The following AMMECR1 variants were observed in gnomAD, a reference collection of about 807,000 sequenced individuals.
AMMECR1 encodes the protein nuclear protein AMMECR1.
Under a neutral mutation model 22.5 loss-of-function variants are expected in AMMECR1, and 3 were observed. That is an observed-to-expected ratio of 0.13 (90% CI 0.06 to 0.35). The LOEUF (loss-of-function observed/expected upper bound fraction) is 0.35, where lower values mean the gene tolerates loss of function less well. AMMECR1 is among the 10% of genes least tolerant of loss of function. The probability of loss-of-function intolerance (pLI) is 1.00; values close to 1 mark genes in which losing one functional copy is unlikely to be tolerated. For synonymous variants in AMMECR1, 130 were observed against 116.7 expected, an observed-to-expected ratio of 1.11 and a Z score of -0.74; for missense variants, 235 against 278.7, an observed-to-expected ratio of 0.84 and a Z score of 1.12.
At chrX:110,297,577 A>G (rs776959141) in intron 1 of AMMECR1, among the ~76,000 whole-genome samples, 7 of 111,405 alleles carry the variant, frequency 6.3e-5, no homozygotes, top group African/African-American at 2.0e-4. Context: ...CAACAAATCT[A>G]ACTTTTTTTT....
intron 2 of AMMECR1, among the ~76,000 whole-genome samples, chrX:110,257,293 C>A (rs1409402814): frequency 1.8e-5 from 2 of 111,861 alleles, no homozygotes; most frequent in African/African-American, 6.5e-5. Flanking sequence ...AATATGAATT[C>A]ACTTTAACAA....
rs1027158448 is a variant in AMMECR1, at chrX:110,409,360, G to A, written c.-148+17298C>T. On this transcript the variant is annotated intron_variant, in intron 2 of 7. Coordinates refer to the AMMECR1 transcript ENST00000372057. ...GACATGCTGGAGCCAAGGGACTGACGTCAGATGGTCCCAGTGGTGAAGAGA... is the reference window on the plus strand; with the variant it reads ...GACATGCTGGAGCCAAGGGACTGACATCAGATGGTCCCAGTGGTGAAGAGA... 5.4e-5 allele frequency among the ~76,000 whole-genome samples: 6 copies of A among 111,658 alleles called. No homozygotes were observed. In the East Asian group the frequency reaches 1.7e-3, roughly 31 times the overall value.
intron 2 of AMMECR1, among the ~76,000 whole-genome samples, chrX:110,256,528 T>C (rs1317658415): frequency 3.6e-5 from 4 of 111,722 alleles, no homozygotes; most frequent in Non-Finnish European, 7.5e-5. Flanking sequence ...GACAGGACTT[T>C]TATGTTGAAA....
upstream of AMMECR1, among the ~76,000 whole-genome samples, chrX:110,318,402 G>A (rs2068065093): frequency 9.0e-6 from 1 of 111,129 alleles, no homozygotes; most frequent in Non-Finnish European, 1.9e-5. Flanking sequence ...AAAGGAAGGT[G>A]AAGGAAACAA....
At chrX:110,314,227 A>G (rs1055099765) in intron 1 of AMMECR1, among the ~76,000 whole-genome samples, 1 of 111,750 alleles carries the variant, frequency 8.9e-6, no homozygotes, top group Non-Finnish European at 1.9e-5. Context: ...TATATTTGTA[A>G]TGATTTCCCA....
intron 2 of AMMECR1, among the ~76,000 whole-genome samples, chrX:110,421,164 C>T (rs561379395): frequency 1.8e-5 from 2 of 112,554 alleles, no homozygotes; most frequent in African/African-American, 3.2e-5. Flanking sequence ...AAATGGATCA[C>T]TCTGATGTAT....
intron 5 of AMMECR1, among the ~76,000 whole-genome samples, chrX:110,199,929 T>G (rs1325367894): frequency 4.5e-5 from 5 of 111,287 alleles, no homozygotes; most frequent in Non-Finnish European, 9.4e-5. Flanking sequence ...GGACCCTCAA[T>G]GGTCTGCCCA....
chrX:110,334,590 GAT>G (rs1472043436), intron 2 of AMMECR1, among the ~76,000 whole-genome samples: 1 of 111,840 alleles, frequency 8.9e-6, no homozygotes, highest in Non-Finnish European at 1.9e-5. Context: ...CCTGTATTGA[GAT>G]ATGTTTTTAA....
At chrX:110,357,661 T>A (rs2068237347) in intron 2 of AMMECR1, among the ~76,000 whole-genome samples, 1 of 112,628 alleles carries the variant, frequency 8.9e-6, no homozygotes, top group South Asian at 3.6e-4. Context: ...GTATTCTCAC[T>A]GAGTACAGTT....
At chrX:110,207,168 GAAAC>G (rs770589840) in intron 3 of AMMECR1, among the ~76,000 whole-genome samples, 1 of 111,405 alleles carries the variant, frequency 9.0e-6, no homozygotes, top group Non-Finnish European at 1.9e-5. Context: ...ACCACAGCCA[GAAAC>G]AAACACTGTA....
At chrX:110,333,889 T>C (rs1018090461) in intron 2 of AMMECR1, among the ~76,000 whole-genome samples, 1 of 110,006 alleles carries the variant, frequency 9.1e-6, no homozygotes, top group Non-Finnish European at 1.9e-5. Context: ...GATGGGTTTA[T>C]GGGTGCAGCA....
At chrX:110,221,358 C>A (rs1031531262) in intron 2 of AMMECR1, among the ~76,000 whole-genome samples, 1 of 111,510 alleles carries the variant, frequency 9.0e-6, no homozygotes, top group Non-Finnish European at 1.9e-5. Flanking sequence ...AATTATCTAC[C>A]GCTCTGTCTC....
intron 2 of AMMECR1, among the ~76,000 whole-genome samples, chrX:110,379,162 T>C (rs2068400838): frequency 1.8e-5 from 2 of 112,034 alleles, no homozygotes. Context: ...ACCTTTCAAT[T>C]GCTCTCTAGT....
chrX:110,336,843 A>G (rs2068143666), intron 2 of AMMECR1, among the ~76,000 whole-genome samples: 1 of 111,872 alleles, frequency 8.9e-6, no homozygotes, highest in African/African-American at 3.3e-5. Flanking sequence ...TTATGGGATG[A>G]ACCTGAGGTA....
chrX:110,252,041 G>A (rs2067688714), intron 2 of AMMECR1, among the ~76,000 whole-genome samples: 1 of 111,441 alleles, frequency 9.0e-6, no homozygotes. Context: ...TATTTACTAC[G>A]TACCTAGTAT....
At chrX:110,234,352 T>A (rs2067587762) in intron 2 of AMMECR1, among the ~76,000 whole-genome samples, 1 of 112,280 alleles carries the variant, frequency 8.9e-6, no homozygotes, top group South Asian at 3.7e-4. Context: ...TGGAAGAATA[T>A]TCTATGCTCA....
At chrX:110,237,572 T>A (rs2067608287) in intron 2 of AMMECR1, among the ~76,000 whole-genome samples, 1 of 111,775 alleles carries the variant, frequency 8.9e-6, no homozygotes, top group African/African-American at 3.3e-5. Flanking sequence ...TCAATCACAT[T>A]AGACTTTAAA....
At chrX:110,378,008 C>CAAAAA (rs755483656) in intron 2 of AMMECR1, among the ~76,000 whole-genome samples, 859 of 30,907 alleles carry the variant, frequency 0.028, 22 homozygotes, top group Non-Finnish European at 0.034. Context: ...GACTCCGTCT[C>CAAAAA]AAAAAAAAAA....
intron 2 of AMMECR1, among the ~76,000 whole-genome samples, chrX:110,382,754 C>T (rs1048632712): frequency 2.7e-5 from 3 of 111,820 alleles, no homozygotes; most frequent in Admixed American, 9.5e-5. Flanking sequence ...GAAGGGTTGC[C>T]TGAATCAAAG....
Sources: allele counts gnomAD v4.1 joint callset (sites outside exome capture counted in the v4.1 genomes callset), GRCh38; gene constraint gnomAD v4.1.1; transcripts MANE v1.5; gene names NCBI Gene and HGNC (gene_info 2026-07-23, HGNC 2026-07-21).